The following MYLK variants were observed in gnomAD, a reference collection of about 807,000 sequenced individuals.
The protein encoded by MYLK is myosin light chain kinase, smooth muscle.
In MYLK, 106 loss-of-function variants were observed where a neutral mutation model predicts 203.4. The ratio of observed to expected loss-of-function variants is 0.52; its 90% CI spans 0.45 to 0.61. MYLK has a LOEUF of 0.61. MYLK is among the 20% of genes least tolerant of loss of function. The pLI, the probability that MYLK is intolerant of heterozygous loss-of-function variation, is 0.00. For missense variants in MYLK, 2,072 were observed against 2,442.3 expected, an observed-to-expected ratio of 0.85 and a Z score of 3.20; for synonymous variants, 867 against 959.5, an observed-to-expected ratio of 0.90 and a Z score of 1.78.
rs188938310 is a variant in MYLK, at chr3:123,683,714, G to A, written c.3566-1404C>T. Among the ~76,000 whole-genome samples the A allele has an allele frequency of 7.3e-3, 1,111 of 152,236 alleles. 2 individuals carry two copies. The highest frequency in any genetic ancestry group is 0.013 in the Non-Finnish European group (855 of 67,990). On this transcript the variant is annotated intron_variant, in intron 19 of 33. Coordinates refer to ENST00000360304, the MANE Select transcript of MYLK (RefSeq NM_053025.4). ...GCAGCTCAGAAGCAGACAGGCCTCC[G>A]GGGGCTGTGGGGGCAATCCCCCACC... is the stretch of plus-strand genomic sequence containing the variant.
In MYLK at chr3:123,823,784, T is replaced by C. The variant is rs138456222; in HGVS notation, c.-4+7764A>G. Among the ~76,000 whole-genome samples the C allele has an allele frequency of 5.3e-3, 806 of 152,290 alleles. 4 individuals carry two copies. Among genetic ancestry groups the C allele is most frequent in the Middle Eastern group, 0.014 (4 of 294 alleles). On this transcript the variant is annotated intron_variant, in intron 3 of 33. Transcript: ENST00000360304. ...CGGCCCTGCATCACCCAGCTCTGGC[T>C]CACTGCCCCAAACTCATCTCCTATT...
intron 5 of MYLK, among the ~76,000 whole-genome samples, 171 bp downstream of exon 5, chr3:123,752,160 C>T (rs528561631): frequency 6.6e-5 from 10 of 152,212 alleles, no homozygotes; most frequent in African/African-American, 1.9e-4. Flanking sequence ...CTCCCTTGTT[C>T]GCAGGGACCA....
intron 11 of MYLK, among the ~76,000 whole-genome samples, chr3:123,728,826 A>C (rs1256004818): frequency 6.6e-6 from 1 of 151,988 alleles, no homozygotes; most frequent in African/African-American, 2.4e-5. Context: ...CAGCTCCTTC[A>C]ACGACTCCAT....
At chr3:123,792,801 C>A (rs1363174464) in intron 4 of MYLK, among the ~76,000 whole-genome samples, 6 of 152,086 alleles carry the variant, frequency 3.9e-5, no homozygotes, top group African/African-American at 1.4e-4. Flanking sequence ...CACTAACATC[C>A]CCAACAATCT....
chr3:123,826,538 G>A (rs988881870), intron 3 of MYLK, among the ~76,000 whole-genome samples: 13 of 152,148 alleles, frequency 8.5e-5, no homozygotes, highest in Admixed American at 2.6e-4. Context: ...ACTTCTGTCC[G>A]CATCCTGTCC....
At chr3:123,810,499 G>A (rs2065521001) in intron 3 of MYLK, among the ~76,000 whole-genome samples, 1 of 152,188 alleles carries the variant, frequency 6.6e-6, no homozygotes, top group African/African-American at 2.4e-5. Context: ...AGCCCTCTCT[G>A]CTTCATTTCT....
chr3:123,726,637 A>C (rs820332), intron 11 of MYLK, among the ~76,000 whole-genome samples: 143,142 of 152,160 alleles, frequency 0.94, 67,671 homozygotes, highest in Non-Finnish European at 1. Context: ...GCACAGCTTG[A>C]ACCCCATTCT....
At chr3:123,701,918 T>G (rs2061247813) in intron 16 of MYLK, among the ~76,000 whole-genome samples, 1 of 152,246 alleles carries the variant, frequency 6.6e-6, no homozygotes, top group Non-Finnish European at 1.5e-5. Context: ...GCCTGCCCAG[T>G]GACCTTGACT....
At chr3:123,859,267 C>T (rs2031690078) in intron 2 of MYLK, among the ~76,000 whole-genome samples, 1 of 152,238 alleles carries the variant, frequency 6.6e-6, no homozygotes, top group Non-Finnish European at 1.5e-5. Context: ...AGTAAGATAA[C>T]ATAGGCTCCC....
At chr3:123,658,870 C>A (rs1576458150) in intron 23 of MYLK, among the ~76,000 whole-genome samples, 1 of 152,238 alleles carries the variant, frequency 6.6e-6, no homozygotes, top group Middle Eastern at 3.4e-3. Flanking sequence ...CTCTCCCAGC[C>A]CTGCCGATCC....
intron 3 of MYLK, among the ~76,000 whole-genome samples, chr3:123,797,865 C>T (rs1388424762): frequency 6.6e-6 from 1 of 152,174 alleles, no homozygotes; most frequent in African/African-American, 2.4e-5. Flanking sequence ...CATCCAGTTC[C>T]CAAAGGGATG....
intron 31 of MYLK, among the ~76,000 whole-genome samples, chr3:123,625,789 A>C (rs1463256439): frequency 6.7e-6 from 1 of 148,924 alleles, no homozygotes; most frequent in Non-Finnish European, 1.5e-5. Context: ...CCTGGGCAAC[A>C]GAGCGAGACT....
rs537615379 is a variant in MYLK at position 123,752,471 on chromosome 3, C to T, written c.233G>A (p.Arg78His). The T allele has an allele frequency of 5.6e-6, 9 of 1,614,184 alleles. No homozygotes were observed. Among genetic ancestry groups the T allele is most frequent in the African/African-American group, 2.7e-5 (2 of 75,068 alleles). ...RNGQPITSGG[R>H]FLLDCGIRGT... ...CCGGATGCCGCAATCCAGCAGGAAG[C>T]GGCCCCCGCTGGTGATGGGTTGCCC... The change falls in exon 5 of 34, where the codon CGC becomes CAC. Residue 78 changes from arginine (R) to histidine (H), a missense_variant. This residue lies in a region of MYLK where 683 missense variants were observed against 643.8 expected (regional missense o/e 1.06). Transcript: ENST00000360304.
chr3:123,647,323 C>T lies in MYLK; in HGVS notation c.4520G>A (p.Arg1507Gln), dbSNP rs574296889. The change falls in exon 27 of 34, where the codon CGG becomes CAG. Residue 1507 changes from arginine to glutamine, a missense_variant. Physicochemically the swap from Arg to Gln is conservative, Grantham distance 43. Around this residue, in one of 3 missense-constraint regions of MYLK, gnomAD observed 524 missense variants for 782.4 expected, o/e 0.67. Coordinates refer to ENST00000360304, the MANE Select transcript of MYLK (RefSeq NM_053025.4). ...AYSAKEKENIRQEISIMNCLH... is the reference protein window; with the variant it reads ...AYSAKEKENIQQEISIMNCLH... ...GCAGTTCATGATGCTAATCTCCTGC[C>T]GGATATTCTCTTTCTCTTTTGCTGA... 1.1e-5 allele frequency: 17 copies of T among 1,614,216 alleles called. No homozygotes were observed. Among genetic ancestry groups the T allele is most frequent in the East Asian group, 2.2e-5 (1 of 44,882 alleles).
At chr3:123,705,993 C>T (rs893427418) in intron 16 of MYLK, among the ~76,000 whole-genome samples, 1 of 152,134 alleles carries the variant, frequency 6.6e-6, no homozygotes, top group African/African-American at 2.4e-5. Context: ...ATTTTGGAGG[C>T]AGAGTGGCCT....
At chr3:123,635,355 C>T (rs1392810204) in intron 29 of MYLK, among the ~76,000 whole-genome samples, 2 of 152,236 alleles carry the variant, frequency 1.3e-5, no homozygotes, top group Non-Finnish European at 2.9e-5. Flanking sequence ...TTCAGCACCG[C>T]TCTCTGTTGA....
At chr3:123,770,215 T>G (rs1439011858) in intron 4 of MYLK, among the ~76,000 whole-genome samples, 1 of 151,240 alleles carries the variant, frequency 6.6e-6, no homozygotes, top group Admixed American at 6.6e-5. Context: ...TCCCAGATAC[T>G]TGGGAGGCTG....
At chr3:123,679,045 A>C (rs1469791231) in intron 20 of MYLK, among the ~76,000 whole-genome samples, 1 of 152,212 alleles carries the variant, frequency 6.6e-6, no homozygotes, top group Non-Finnish European at 1.5e-5. Context: ...GCGGTGGCTC[A>C]CGCCTGTAAT....
chr3:123,733,138 C>T, intron 10 of MYLK, 36 bp from the exon 11 acceptor site: 2 of 1,595,804 alleles, frequency 1.3e-6, no homozygotes, highest in East Asian at 2.2e-5. Flanking sequence ...GCTCCCTATG[C>T]CCTGGAGAGC....
Sources: gnomAD v4.1 joint callset for allele counts (sites outside exome capture counted in the v4.1 genomes callset) on GRCh38, gnomAD v4.1.1 for gene constraint, gnomAD v4.1.1 regional missense constraint, MANE v1.5 for transcripts, NCBI Gene and HGNC (gene_info 2026-07-23, HGNC 2026-07-21) for gene names.